The following THSD1 variants were observed in gnomAD, a reference collection of about 807,000 sequenced individuals.
The protein encoded by THSD1 is thrombospondin type 1 domain containing 1.
A neutral mutation model predicts 46.3 loss-of-function variants in THSD1; 34 were observed. That is an observed-to-expected ratio of 0.74 (90% CI 0.56 to 0.98). The LOEUF is 0.98. Among genes scored for constraint, THSD1 ranks in the 50% least tolerant of loss-of-function variants. The pLI is 0.00. For synonymous variants in THSD1, 407 were observed against 416.5 expected (o/e 0.98, Z 0.28); for missense variants, 1,023 against 1,058.3 (o/e 0.97, Z 0.46).
At chr13:52,380,600 C>G (rs1957684296) in intron 4 of THSD1, among the ~76,000 whole-genome samples, 1 of 151,834 alleles carries the variant, frequency 6.6e-6, no homozygotes, top group South Asian at 2.1e-4. Flanking sequence ...GCACCCACCA[C>G]CACGCCTCAC....
At chr13:52,379,561 G>A (rs576017650) in intron 4 of THSD1, among the ~76,000 whole-genome samples, 6 of 151,740 alleles carry the variant, frequency 4.0e-5, no homozygotes, top group East Asian at 3.9e-4. Context: ...AACAACTTCC[G>A]CCTCCACGGT....
At chr13:52,387,856 T>G (rs902854936) in intron 3 of THSD1, among the ~76,000 whole-genome samples, 1 of 152,082 alleles carries the variant, frequency 6.6e-6, no homozygotes, top group Non-Finnish European at 1.5e-5. Context: ...ATACATGTAA[T>G]TGGAATACCA....
At chr13:52,391,535 TAATTTTAC>T (rs1957773051) in intron 3 of THSD1, among the ~76,000 whole-genome samples, 1 of 138,466 alleles carries the variant, frequency 7.2e-6, no homozygotes, top group Non-Finnish European at 1.6e-5. Flanking sequence ...TATATATATA[TAATTTTAC>T]ATATATATAT....
At chr13:52,405,448 G>A (rs1240410789) in intron 1 of THSD1, among the ~76,000 whole-genome samples, 1 of 152,174 alleles carries the variant, frequency 6.6e-6, no homozygotes, top group Non-Finnish European at 1.5e-5. Flanking sequence ...TTTATTGGGA[G>A]GAAATCTCTA....
At chr13:52,380,470 C>T (rs1352007615) in intron 4 of THSD1, among the ~76,000 whole-genome samples, 1 of 151,922 alleles carries the variant, frequency 6.6e-6, no homozygotes, top group Non-Finnish European at 1.5e-5. Context: ...ATGGTTTCCC[C>T]CAATCCTCTC....
intron 3 of THSD1, among the ~76,000 whole-genome samples, chr13:52,388,716 G>C (rs978204841): frequency 4.6e-5 from 7 of 152,000 alleles, no homozygotes; most frequent in Admixed American, 3.9e-4. Flanking sequence ...CCCAACCTCA[G>C]GTGATCTGCC....
intron 3 of THSD1, among the ~76,000 whole-genome samples, chr13:52,387,215 C>T (rs767538310): frequency 6.6e-6 from 1 of 152,148 alleles, no homozygotes; most frequent in Non-Finnish European, 1.5e-5. Context: ...CAATGCCTTC[C>T]CTAAACACAA....
chr13:52,403,074 T>G, intron 1 of THSD1: 1 of 546,492 alleles, frequency 1.8e-6, no homozygotes, highest in Non-Finnish European at 2.3e-6. Context: ...ACTAAATTTC[T>G]GCTAAACTTT....
intron 3 of THSD1, among the ~76,000 whole-genome samples, chr13:52,395,194 G>A (rs1322578063): frequency 6.6e-6 from 1 of 152,166 alleles, no homozygotes; most frequent in Admixed American, 6.5e-5. Flanking sequence ...AATCCCTTTG[G>A]CTGCAGTGAG....
At chr13:52,380,791 C>T (rs1165411872) in intron 4 of THSD1, among the ~76,000 whole-genome samples, 1 of 152,138 alleles carries the variant, frequency 6.6e-6, no homozygotes, top group African/African-American at 2.4e-5. Flanking sequence ...TCCTATTGCT[C>T]TTTCCAACCT....
intron 3 of THSD1, among the ~76,000 whole-genome samples, chr13:52,388,008 G>GAAAACC (rs1957746389): frequency 6.6e-6 from 1 of 152,046 alleles, no homozygotes; most frequent in African/African-American, 2.4e-5. Flanking sequence ...CCAAACTGCT[G>GAAAACC]AAAACCAAAA....
In THSD1 at chr13:52,378,033, C is replaced by G. The variant is rs1819614826; in HGVS notation, c.1937G>C (p.Arg646Thr). The change falls in exon 5 of 5, where the codon AGG becomes ACG. Residue 646 changes from arginine to threonine, a missense_variant. Arg to Thr is a moderately conservative substitution (Grantham distance 71, BLOSUM62 -1). Around this residue, in one of 3 missense-constraint regions of THSD1, gnomAD observed 578 missense variants for 497.4 expected, o/e 1.16. Transcript: ENST00000258613. ...RGGPSERSHA[R>T]NAHFRRTASF... Reference sequence around the variant, plus strand: ...CGCTGTCCTCCTGAAATGGGCGTTCCTGGCATGGCTCCTTTCGGACGGGCC... The same window carrying G: ...CGCTGTCCTCCTGAAATGGGCGTTCGTGGCATGGCTCCTTTCGGACGGGCC... The G allele has an allele frequency of 1.2e-6, 2 of 1,614,188 alleles. No individual in the cohort carries two copies.
At chr13:52,380,038 C>G (rs1329234111) in intron 4 of THSD1, among the ~76,000 whole-genome samples, 1 of 152,104 alleles carries the variant, frequency 6.6e-6, no homozygotes, top group African/African-American at 2.4e-5. Context: ...TCTGCATTCT[C>G]TCTCTTCTAT....
chr13:52,386,112 C>T lies in THSD1; in HGVS notation c.1096G>A (p.Val366Met), dbSNP rs749187368. The change falls in exon 4 of 5, where the codon GTG becomes ATG. Residue 366 changes from valine (V) to methionine (M), a missense_variant. This residue lies in a region of THSD1 where 429 missense variants were observed against 518.3 expected (regional missense o/e 0.83). Coordinates refer to ENST00000258613, the MANE Select transcript of THSD1 (RefSeq NM_018676.4). Reference protein sequence around the residue: ...CGDGVRERRRVCLTSFPSSPV... With the variant: ...CGDGVRERRRMCLTSFPSSPV... ...CTGGAGGGGAAGGAAGTGAGACACA[C>T]TCGGCGACGCTCTCTGACACCATCC... 4.3e-6 allele frequency: 7 copies of T among 1,614,194 alleles called. No homozygotes were observed. The highest frequency in any genetic ancestry group is 5.9e-6 in the Non-Finnish European group (7 of 1,180,034).
chr13:52,403,354 A>G (rs116718917), intron 1 of THSD1, among the ~76,000 whole-genome samples: 1,819 of 152,274 alleles, frequency 0.012, 42 homozygotes, highest in African/African-American at 0.042. Context: ...GTCCTGCAAT[A>G]CTTGTTGCTG....
At chr13:52,385,603 C>G (rs1957725033) in intron 4 of THSD1, among the ~76,000 whole-genome samples, 1 of 151,922 alleles carries the variant, frequency 6.6e-6, no homozygotes, top group African/African-American at 2.4e-5. Context: ...AAATAATGGT[C>G]TATGTGGTCC....
rs372870463 is a variant in THSD1, at chr13:52,397,321, C to T, written c.932G>A (p.Gly311Glu). The T allele has an allele frequency of 6.2e-7, 1 of 1,613,956 alleles. No homozygotes were observed. Among genetic ancestry groups the T allele is most frequent in the African/African-American group, 1.3e-5 (1 of 74,876 alleles). Residue 311 changes from glycine to glutamate, a missense_variant, in exon 3 of 5, where the codon GGG becomes GAG. This residue lies in a region of THSD1 where 429 missense variants were observed against 518.3 expected (regional missense o/e 0.83). Transcript: ENST00000258613. ...TIFNCTLFDM[G>E]KNKYCFDFGI... is the part of the protein sequence containing the mutation. ...AAAGTCAAAGCAGTACTTATTCTTC[C>T]CCATGTCAAACAAAGTACAGTTAAA...
chr13:52,405,674 A>T (rs1285289901), intron 1 of THSD1, among the ~76,000 whole-genome samples: 1 of 152,186 alleles, frequency 6.6e-6, no homozygotes, highest in Non-Finnish European at 1.5e-5. Flanking sequence ...CTTTAATTTA[A>T]TTTAATCCTT....
rs753135990 is a variant in THSD1, at chr13:52,377,961, A to C, written c.2009T>G (p.Met670Arg). Residue 670 changes from methionine to arginine, a missense_variant, in exon 5 of 5, where the codon ATG becomes AGG. By Grantham distance (91) the Met-to-Arg change is moderately conservative. Around this residue, in one of 3 missense-constraint regions of THSD1, gnomAD observed 578 missense variants for 497.4 expected, o/e 1.16. Transcript: ENST00000258613. ...GGCCTGCCGTGGAGTCAGAGTGGAC[A>C]TGCTCCTCTCTCGGAACGGCCGGGC... The part of the protein sequence containing the change: ...RQARPFRERS[M>R]STLTPRQAPA... 6 of 1,613,982 alleles carry C rather than the reference A, an allele frequency of 3.7e-6. No homozygotes were observed. Among genetic ancestry groups the C allele is most frequent in the Non-Finnish European group, 5.1e-6 (6 of 1,180,006 alleles).
Sources: gnomAD v4.1 joint callset for allele counts (sites outside exome capture counted in the v4.1 genomes callset) on GRCh38, gnomAD v4.1.1 for gene constraint, gnomAD v4.1.1 regional missense constraint, MANE v1.5 for transcripts, NCBI Gene and HGNC (gene_info 2026-07-23, HGNC 2026-07-21) for gene names.